AGO4: variants seen among roughly 807,000 people sequenced by gnomAD.
AGO4 encodes the protein protein argonaute-4.
In AGO4, 33 loss-of-function variants were observed where a neutral mutation model predicts 104.7. That is an observed-to-expected ratio of 0.32 (90% CI 0.24 to 0.42). AGO4 has a LOEUF of 0.42. Among genes scored for constraint, AGO4 ranks in the 10% least tolerant of loss-of-function variants. AGO4 has a pLI of 1.00. For synonymous variants in AGO4, 331 were observed against 364.7 expected (o/e 0.91, Z 1.05); for missense variants, 711 against 1,083.4 (o/e 0.66, Z 4.83).
chr1:35,818,229 T>C (rs1051563689), intron 2 of AGO4, among the ~76,000 whole-genome samples: 1 of 152,078 alleles, frequency 6.6e-6, no homozygotes, highest in Non-Finnish European at 1.5e-5. Flanking sequence ...CGTATGCAAA[T>C]ACCTAGAGAA....
intron 1 of AGO4, among the ~76,000 whole-genome samples, chr1:35,810,729 T>C (rs1035997418): frequency 6.6e-6 from 1 of 152,172 alleles, no homozygotes; most frequent in Non-Finnish European, 1.5e-5. Flanking sequence ...ATTTGACTTC[T>C]AATCTAATCA....
intron 6 of AGO4, 51 bp from the exon 7 acceptor site, chr1:35,826,697 G>A: frequency 7.0e-7 from 1 of 1,431,362 alleles, no homozygotes; most frequent in Non-Finnish European, 9.8e-7. Flanking sequence ...ATCTGTTTTT[G>A]CCACTGTGAT....
At position 35,853,676 on chromosome 1, in the gene AGO4, C is replaced by G; in HGVS notation, c.*71C>G. 7.4e-7 allele frequency: 1 copy of G among 1,344,500 alleles called. No homozygotes were observed. Among genetic ancestry groups the G allele is most frequent in the Non-Finnish European group, 1.1e-6 (1 of 950,064 alleles). The allele number at this position is 1,344,500 out of a possible 1,614,324, so 83.3% of individuals were successfully genotyped here. ...TCAAAATGTTTCAAATGCCTACCGCCTCTAGATCGAGCCACGTTGACTTCA... is the reference window on the plus strand; with the variant it reads ...TCAAAATGTTTCAAATGCCTACCGCGTCTAGATCGAGCCACGTTGACTTCA... On this transcript the variant is annotated 3_prime_UTR_variant, in exon 18 of 18. Coordinates refer to ENST00000373210, the MANE Select transcript of AGO4 (RefSeq NM_017629.4).
At chr1:35,811,149 A>G (rs1238517185) in intron 1 of AGO4, among the ~76,000 whole-genome samples, 4 of 149,976 alleles carry the variant, frequency 2.7e-5, no homozygotes, top group African/African-American at 9.8e-5. Flanking sequence ...AAACAAAACA[A>G]CAAAAAAAAA....
intron 1 of AGO4, among the ~76,000 whole-genome samples, chr1:35,813,761 AAAGAAG>A (rs372415425): frequency 1.7e-4 from 26 of 149,916 alleles, no homozygotes; most frequent in African/African-American, 1.7e-4. Flanking sequence ...AAAAAGAAAA[AAAGAAG>A]AAGAAGAAGA....
chr1:35,817,415 A>G (rs983206257), intron 2 of AGO4, among the ~76,000 whole-genome samples: 1 of 151,966 alleles, frequency 6.6e-6, no homozygotes, highest in Non-Finnish European at 1.5e-5. Flanking sequence ...AAAGATGTAT[A>G]TATATATATA....
At chr1:35,829,147 T>A (rs1644112567) in intron 7 of AGO4, among the ~76,000 whole-genome samples, 2 of 152,136 alleles carry the variant, frequency 1.3e-5, no homozygotes, top group Non-Finnish European at 2.9e-5. Context: ...GTCTAGATAG[T>A]TGAAATTTTC....
At position 35,853,938 on chromosome 1, in the gene AGO4, C is replaced by T. The variant is rs898252618; in HGVS notation, c.*333C>T. On this transcript the variant is annotated 3_prime_UTR_variant, in exon 18 of 18. Coordinates refer to ENST00000373210, the MANE Select transcript of AGO4 (RefSeq NM_017629.4). ...ATATTTTGCTAGCTGTGGTGTTCACCGCATCCCTCTAGTCTTAGAAGAGAA... is the reference window on the plus strand; with the variant it reads ...ATATTTTGCTAGCTGTGGTGTTCACTGCATCCCTCTAGTCTTAGAAGAGAA... 14 of 187,998 alleles carry T rather than the reference C, an allele frequency of 7.4e-5. No individual in the cohort carries two copies. The highest frequency in any genetic ancestry group is 1.8e-4 in the Admixed American group (3 of 16,948). 11.6% of individuals were successfully genotyped at this position (187,998 alleles called of 1,614,324 possible). A position where few individuals can be genotyped will look rare whatever the true frequency, so the allele number is the denominator to read the frequency against.
chr1:35,840,158 AT>A (rs1338018347), intron 13 of AGO4, among the ~76,000 whole-genome samples: 50 of 124,872 alleles, frequency 4.0e-4, no homozygotes, highest in Admixed American at 7.2e-4. Flanking sequence ...TGCCCGTCTA[AT>A]TTTTTTTTTT....
At position 35,850,836 on chromosome 1, in the gene AGO4, A is replaced by C; in HGVS notation, c.2278-18A>C. 6.5e-7 allele frequency: 1 copy of C among 1,528,536 alleles called. No individual in the cohort carries two copies. The highest frequency in any genetic ancestry group is 1.4e-5 in the African/African-American group (1 of 71,228). The allele number at this position is 1,528,536 out of a possible 1,614,324, so 94.7% of individuals were successfully genotyped here. A position where few individuals can be genotyped will look rare whatever the true frequency, so the allele number is the denominator to read the frequency against. On this transcript the variant is annotated intron_variant, in intron 16 of 17. Coordinates refer to ENST00000373210, the MANE Select transcript of AGO4 (RefSeq NM_017629.4). Reference sequence around the variant, plus strand: ...AACGAACAAAAAAAAAACATTAATCATAAAACTCTCTCCTCAGGGAACCAG... The same window carrying C: ...AACGAACAAAAAAAAAACATTAATCCTAAAACTCTCTCCTCAGGGAACCAG...
chr1:35,852,459 T>C (rs1644725056), intron 17 of AGO4, among the ~76,000 whole-genome samples: 1 of 152,214 alleles, frequency 6.6e-6, no homozygotes, highest in Admixed American at 6.5e-5. Context: ...AGAGGAGTTA[T>C]TATGTGTCCA....
chr1:35,820,792 G>T (rs1170598467), intron 2 of AGO4, among the ~76,000 whole-genome samples: 2 of 152,162 alleles, frequency 1.3e-5, no homozygotes, highest in African/African-American at 2.4e-5. Flanking sequence ...TCCATGAGCA[G>T]ATCAGAGTAC....
intron 13 of AGO4, among the ~76,000 whole-genome samples, chr1:35,837,265 G>A (rs1217640936): frequency 6.6e-6 from 1 of 151,938 alleles, no homozygotes; most frequent in African/African-American, 2.4e-5. Context: ...TGTATTTTTA[G>A]TAGAGACAGG....
At chr1:35,822,777 A>G in intron 2 of AGO4, 85 bp from the exon 3 acceptor site, 2 of 1,544,686 alleles carry the variant, frequency 1.3e-6, no homozygotes, top group Non-Finnish European at 1.8e-6. Context: ...ACTGAACCGA[A>G]TTTAAATGAT....
intron 2 of AGO4, among the ~76,000 whole-genome samples, chr1:35,821,626 T>C (rs1324337839): frequency 6.6e-6 from 1 of 152,186 alleles, no homozygotes; most frequent in African/African-American, 2.4e-5. Flanking sequence ...AAAAAGACTT[T>C]TATTCTAAAA....
In AGO4 at chr1:35,839,670, T is replaced by C. The variant is rs1159044330; in HGVS notation, c.1725-1495T>C. ...CTATATATGTCCGCTGTTATTAACT[T>C]CTCTGTGCCAGGCTTATGTTCTGTG... On this transcript the variant is annotated intron_variant, in intron 13 of 17. Coordinates refer to ENST00000373210, the MANE Select transcript of AGO4 (RefSeq NM_017629.4). Among the ~76,000 whole-genome samples, 8 of 152,238 alleles carry C rather than the reference T, an allele frequency of 5.3e-5. No individual in the cohort carries two copies. In the South Asian group the frequency reaches 1.7e-3, roughly 32 times the overall value.
At chr1:35,830,853 T>C (rs889596206) in intron 7 of AGO4, among the ~76,000 whole-genome samples, 2 of 151,030 alleles carry the variant, frequency 1.3e-5, no homozygotes, top group Non-Finnish European at 2.9e-5. Context: ...GCACTTGTAA[T>C]CCCAGCTACT....
Position 35,816,958 on chromosome 1 carries a change from C to T in AGO4, c.96C>T (p.Ala32=), listed in dbSNP as rs1001445841. 2.5e-6 allele frequency: 4 copies of T among 1,613,866 alleles called. No individual in the cohort carries two copies. The highest frequency in any genetic ancestry group is 1.3e-5 in the African/African-American group (1 of 74,890). ...GTVGKPIRLL[A]NHFQVQIPKI... Reference sequence around the variant, plus strand: ...TTGGAAAACCAATTCGACTGTTAGCCAATCATTTTCAGGTTCAGATTCCTA... The same window carrying T: ...TTGGAAAACCAATTCGACTGTTAGCTAATCATTTTCAGGTTCAGATTCCTA... Residue 32 remains alanine, a synonymous_variant, in exon 2 of 18, where the codon GCC becomes GCT. Coordinates refer to ENST00000373210, the MANE Select transcript of AGO4 (RefSeq NM_017629.4).
rs976705885 is a variant in AGO4 at position 35,841,324 on chromosome 1, G to A, written c.1884G>A (p.Gln628=). The A allele has an allele frequency of 1.9e-6, 3 of 1,614,064 alleles. No individual in the cohort carries two copies. The highest frequency in any genetic ancestry group is 3.3e-5 in the Admixed American group (2 of 60,004). The change falls in exon 14 of 18, where the codon CAG becomes CAA. Residue 628 remains glutamine, a synonymous_variant. Transcript: ENST00000373210. The surrounding 1 kb of genome is among the most constrained non-coding windows in gnomAD (Gnocchi z 4.7). The stretch of plus-strand genomic sequence containing the variant: ...CCGTTCGGGTGCAGACTTCCCGGCA[G>A]GAGATCTCCCAAGAGCTCCTCTACA... ...CATVRVQTSR[Q]EISQELLYSQ...
Sources: allele counts gnomAD v4.1 joint callset (sites outside exome capture counted in the v4.1 genomes callset), GRCh38; gene constraint gnomAD v4.1.1; non-coding constraint Gnocchi (gnomAD v3.1); transcripts MANE v1.5; gene names NCBI Gene and HGNC (gene_info 2026-07-23, HGNC 2026-07-21).